Variants in LMBR1 observed in about 807,000 individuals in gnomAD.
The protein encoded by LMBR1 is limb region 1 protein homolog.
Under a neutral mutation model 73.9 loss-of-function variants are expected in LMBR1, and 52 were observed. The ratio of observed to expected loss-of-function variants is 0.70; its 90% CI spans 0.56 to 0.89. The LOEUF is 0.89. Ranked by LOEUF, LMBR1 falls within the 40% of genes least tolerant of loss-of-function variation. The pLI is 0.00. For synonymous variants in LMBR1, 215 were observed against 209.4 expected (o/e 1.03, Z -0.23); for missense variants, 539 against 579.8 (o/e 0.93, Z 0.72).
chr7:156,695,956 T>G (rs914960118), intron 15 of LMBR1, among the ~76,000 whole-genome samples: 1 of 150,836 alleles, frequency 6.6e-6, no homozygotes, highest in African/African-American at 2.4e-5. Context: ...GGTAATGCAG[T>G]GGAAAATGAA....
intron 4 of LMBR1, among the ~76,000 whole-genome samples, chr7:156,807,396 T>C (rs575175698): frequency 1.2e-4 from 18 of 151,826 alleles, no homozygotes; most frequent in African/African-American, 3.6e-4. Flanking sequence ...CCCAGAATAT[T>C]TGAGAAGGCT....
intron 1 of LMBR1, among the ~76,000 whole-genome samples, chr7:156,847,093 T>C (rs547272960): frequency 1.3e-5 from 2 of 152,216 alleles, no homozygotes; most frequent in South Asian, 4.1e-4. Flanking sequence ...AATATAAATA[T>C]AGATCCACAG....
intron 8 of LMBR1, among the ~76,000 whole-genome samples, chr7:156,756,912 G>A (rs920347957): frequency 1.3e-5 from 2 of 152,094 alleles, no homozygotes; most frequent in African/African-American, 4.8e-5. Flanking sequence ...TGCCTCCCGG[G>A]GTCAAGCGAT....
chr7:156,831,973 T>G (rs1836778269), intron 3 of LMBR1, among the ~76,000 whole-genome samples: 1 of 152,208 alleles, frequency 6.6e-6, no homozygotes, highest in Non-Finnish European at 1.5e-5. Context: ...TTGTAGCTTT[T>G]GTGAGGTGAG....
intron 8 of LMBR1, among the ~76,000 whole-genome samples, chr7:156,756,690 T>C (rs1206619382): frequency 6.6e-6 from 1 of 152,198 alleles, no homozygotes; most frequent in Non-Finnish European, 1.5e-5. Flanking sequence ...TACATTTAAA[T>C]TGGATATTTT....
intron 15 of LMBR1, among the ~76,000 whole-genome samples, chr7:156,690,941 T>C (rs1383990610): frequency 2.0e-5 from 3 of 152,144 alleles, no homozygotes; most frequent in Admixed American, 2.0e-4. Flanking sequence ...AAAATGTACT[T>C]TTAAAATTAA....
chr7:156,748,063 T>C (rs760286436), intron 9 of LMBR1: 2 of 152,216 alleles, frequency 1.3e-5, no homozygotes, highest in African/African-American at 4.8e-5. Context: ...AGTCAGCCCA[T>C]ATACTCGAAA....
chr7:156,813,540 T>C (rs1348519943), intron 4 of LMBR1, among the ~76,000 whole-genome samples: 1 of 152,152 alleles, frequency 6.6e-6, no homozygotes. Flanking sequence ...GGAATACTGC[T>C]CCCTATTGTG....
chr7:156,789,250 C>T (rs1225602970), intron 5 of LMBR1, among the ~76,000 whole-genome samples: 2 of 152,076 alleles, frequency 1.3e-5, no homozygotes, highest in African/African-American at 2.4e-5. Context: ...AAGACACATT[C>T]ACATACATAT....
At chr7:156,808,013 T>C (rs1832443381) in intron 4 of LMBR1, among the ~76,000 whole-genome samples, 1 of 152,126 alleles carries the variant, frequency 6.6e-6, no homozygotes, top group African/African-American at 2.4e-5. Flanking sequence ...TAAAATGTAT[T>C]GAGACTTATT....
intron 15 of LMBR1, among the ~76,000 whole-genome samples, chr7:156,710,266 G>T (rs1189335270): frequency 3.3e-5 from 5 of 152,096 alleles, no homozygotes; most frequent in Admixed American, 2.6e-4. Flanking sequence ...CCAATTTAAA[G>T]AAATGTTAAC....
At chr7:156,762,577 G>T (rs1344692599) in intron 7 of LMBR1, among the ~76,000 whole-genome samples, 1 of 152,168 alleles carries the variant, frequency 6.6e-6, no homozygotes. Flanking sequence ...AATATCTAAA[G>T]GTGACAACCA....
chr7:156,795,932 T>A (rs1563379696), intron 5 of LMBR1, among the ~76,000 whole-genome samples: 1 of 152,222 alleles, frequency 6.6e-6, no homozygotes. Context: ...GTTTTCTTAA[T>A]GTCAGGTTTG....
chr7:156,835,227 C>T (rs929822443), intron 2 of LMBR1, among the ~76,000 whole-genome samples: 6 of 151,964 alleles, frequency 3.9e-5, no homozygotes, highest in Admixed American at 2.6e-4. Flanking sequence ...GCTCAGGTCT[C>T]TGGAATTCTG....
At chr7:156,786,868 C>G (rs1381432769) in intron 5 of LMBR1, among the ~76,000 whole-genome samples, 1 of 152,058 alleles carries the variant, frequency 6.6e-6, no homozygotes, top group East Asian at 1.9e-4. Context: ...TTAATTATAT[C>G]TTTATATATA....
intron 1 of LMBR1, among the ~76,000 whole-genome samples, chr7:156,858,080 A>G (rs1797222144): frequency 6.9e-6 from 1 of 145,812 alleles, no homozygotes; most frequent in African/African-American, 2.8e-5. Flanking sequence ...AGCAAAAAAA[A>G]AAAAAAAAAG....
chr7:156,771,389 C>A (rs28846981), intron 5 of LMBR1, among the ~76,000 whole-genome samples: 12,672 of 152,122 alleles, frequency 0.083, 571 homozygotes, highest in Middle Eastern at 0.12. Context: ...GTGACAAAGA[C>A]GGCATTACCA....
chr7:156,734,376 G>C (rs1817458329), intron 9 of LMBR1, 119 bp from the exon 10 acceptor site: 1 of 585,542 alleles, frequency 1.7e-6, no homozygotes, highest in Non-Finnish European at 2.9e-6. Flanking sequence ...AAAATAACAA[G>C]AAATGTTGCT....
chr7:156,751,230 G>A (rs148874956), intron 9 of LMBR1, among the ~76,000 whole-genome samples: 3 of 152,244 alleles, frequency 2.0e-5, no homozygotes, highest in South Asian at 4.2e-4. Context: ...AAATAATGCA[G>A]GAAAGGGGAA....
Sources: allele counts gnomAD v4.1 joint callset (sites outside exome capture counted in the v4.1 genomes callset), GRCh38; gene constraint gnomAD v4.1.1; transcripts MANE v1.5; gene names NCBI Gene and HGNC (gene_info 2026-07-23, HGNC 2026-07-21).